Variants in TASP1 observed in about 807,000 individuals in gnomAD.
TASP1 encodes the protein taspase 1.
Under a neutral mutation model 56.6 loss-of-function variants are expected in TASP1, and 16 were observed. The observed-to-expected ratio is 0.28, with a 90% CI of 0.19 to 0.43. The LOEUF (loss-of-function observed/expected upper bound fraction) is 0.43, where lower values mean the gene tolerates loss of function less well. Ranked by LOEUF, TASP1 falls within the 20% of genes least tolerant of loss-of-function variation. TASP1 has a pLI of 1.00. For missense variants in TASP1, 393 were observed against 511.6 expected, an observed-to-expected ratio of 0.77 and a Z score of 2.24; for synonymous variants, 179 against 184.2, an observed-to-expected ratio of 0.97 and a Z score of 0.23.
chr20:13,410,824 A>G (rs1484721906), intron 13 of TASP1, among the ~76,000 whole-genome samples: 5 of 151,928 alleles, frequency 3.3e-5, no homozygotes, highest in African/African-American at 1.2e-4. Flanking sequence ...GCAGCTCTTT[A>G]GTTTAATAAG....
intron 8 of TASP1, among the ~76,000 whole-genome samples, chr20:13,535,945 C>T (rs1442682840): frequency 2.0e-5 from 3 of 151,968 alleles, no homozygotes; most frequent in Non-Finnish European, 2.9e-5. Flanking sequence ...AACAGCAGTA[C>T]GGAAATGCAT....
chr20:13,272,668 A>C, the TASP1 span, among the ~76,000 whole-genome samples: 2 of 152,214 alleles, frequency 1.3e-5, no homozygotes, highest in African/African-American at 4.8e-5. Context: ...GTATTGTTTT[A>C]ATTGATAAAT....
At chr20:13,293,471 GCCT>G in the TASP1 span, among the ~76,000 whole-genome samples, 2 of 151,282 alleles carry the variant, frequency 1.3e-5, no homozygotes, top group Non-Finnish European at 2.9e-5. Flanking sequence ...CCTCTGCCCT[GCCT>G]CCTCAGTCAA....
the TASP1 span, among the ~76,000 whole-genome samples, chr20:13,319,026 T>C: frequency 6.6e-6 from 1 of 152,182 alleles, no homozygotes; most frequent in Admixed American, 6.5e-5. Context: ...CTCTGGGTGA[T>C]AATGATGTGT....
chr20:13,609,586 G>A (rs190108340), intron 4 of TASP1, among the ~76,000 whole-genome samples: 21 of 151,724 alleles, frequency 1.4e-4, no homozygotes, highest in African/African-American at 4.1e-4. Context: ...TACTGGGGAG[G>A]CTGAGGCAGG....
At chr20:13,314,441 A>T in the TASP1 span, among the ~76,000 whole-genome samples, 4 of 152,074 alleles carry the variant, frequency 2.6e-5, no homozygotes, top group Non-Finnish European at 5.9e-5. Context: ...TCTCCTCAGA[A>T]ACCACATAAG....
chr20:13,552,541 C>CT (rs1196711296), intron 8 of TASP1, among the ~76,000 whole-genome samples: 3 of 152,114 alleles, frequency 2.0e-5, no homozygotes, highest in African/African-American at 7.2e-5. Flanking sequence ...TAAAGAGGAT[C>CT]TTATCAAGGA....
chr20:13,194,965 G>T, the TASP1 span, among the ~76,000 whole-genome samples: 1 of 151,904 alleles, frequency 6.6e-6, no homozygotes, highest in South Asian at 2.1e-4. Flanking sequence ...GTGCGCCTGG[G>T]GTGCCTTGCA....
chr20:13,580,988 A>T lies in TASP1; in HGVS notation c.404-7T>A. The T allele has an allele frequency of 1.3e-6, 2 of 1,570,240 alleles. No individual in the cohort carries two copies. The highest frequency in any genetic ancestry group is 1.8e-5 in the Admixed American group (1 of 56,104). Reference sequence around the variant, plus strand: ...GAGACTGGGTTCTTGATTCCTATAAAAAAAAAAAAAAAATTGGCAAAAAAG... The same window carrying T: ...GAGACTGGGTTCTTGATTCCTATAATAAAAAAAAAAAAATTGGCAAAAAAG... On this transcript the variant is annotated splice_region_variant and splice_polypyrimidine_tract_variant and intron_variant, in intron 5 of 13. Coordinates refer to ENST00000337743, the MANE Select transcript of TASP1 (RefSeq NM_017714.3).
chr20:13,538,002 CT>C (rs202194017), intron 8 of TASP1, among the ~76,000 whole-genome samples: 2,620 of 139,514 alleles, frequency 0.019, 59 homozygotes, highest in African/African-American at 0.057. Context: ...ATCTATCAGT[CT>C]TTTTTTTTTT....
chr20:13,284,591 T>G, the TASP1 span, among the ~76,000 whole-genome samples: 1 of 152,238 alleles, frequency 6.6e-6, no homozygotes, highest in Admixed American at 6.5e-5. Context: ...GATTTGTCCC[T>G]GTCAGAAATG....
At chr20:13,307,196 T>A in the TASP1 span, among the ~76,000 whole-genome samples, 1 of 151,820 alleles carries the variant, frequency 6.6e-6, no homozygotes, top group East Asian at 1.9e-4. Flanking sequence ...CCCCACAGCA[T>A]TCCTCCCATC....
At chr20:13,385,600 G>A (rs2041157926), downstream of TASP1, among the ~76,000 whole-genome samples, 2 of 152,174 alleles carry the variant, frequency 1.3e-5, no homozygotes, top group Non-Finnish European at 2.9e-5. Flanking sequence ...GTTTCAGTGT[G>A]AAGTCCTCCA....
At chr20:13,179,151 A>ATTGT in the TASP1 span, among the ~76,000 whole-genome samples, 1 of 152,226 alleles carries the variant, frequency 6.6e-6, no homozygotes, top group Non-Finnish European at 1.5e-5. Context: ...GGATAACAAC[A>ATTGT]TTGTTTCCGA....
At chr20:13,160,962 A>C in the TASP1 span, among the ~76,000 whole-genome samples, 1 of 152,340 alleles carries the variant, frequency 6.6e-6, no homozygotes, top group East Asian at 1.9e-4. Context: ...CAATCAGTGG[A>C]GTGACACAAT....
the TASP1 span, among the ~76,000 whole-genome samples, chr20:13,238,797 T>G: frequency 1.3e-5 from 2 of 152,242 alleles, no homozygotes; most frequent in Admixed American, 6.5e-5. Context: ...TCAGGTTCAC[T>G]CATGATAGCA....
chr20:13,317,014 GGAT>G, the TASP1 span, among the ~76,000 whole-genome samples: 1 of 151,830 alleles, frequency 6.6e-6, no homozygotes, highest in Admixed American at 6.6e-5. Flanking sequence ...GTCTGTTCAT[GGAT>G]GACATGATTT....
chr20:13,234,572 C>T, the TASP1 span, among the ~76,000 whole-genome samples: 1 of 152,216 alleles, frequency 6.6e-6, no homozygotes, highest in Non-Finnish European at 1.5e-5. Flanking sequence ...TTCCCACCAA[C>T]AGTGTATAAG....
chr20:13,188,032 C>T, the TASP1 span, among the ~76,000 whole-genome samples: 6 of 152,088 alleles, frequency 3.9e-5, no homozygotes, highest in African/African-American at 1.4e-4. Flanking sequence ...AAGAGGCTTC[C>T]CTCAGGTTCA....
Sources: allele counts gnomAD v4.1 joint callset (sites outside exome capture counted in the v4.1 genomes callset), GRCh38; gene constraint gnomAD v4.1.1; transcripts MANE v1.5; gene names NCBI Gene and HGNC (gene_info 2026-07-23, HGNC 2026-07-21).